The following TOLLIP variants were observed in gnomAD, a reference collection of about 807,000 sequenced individuals.
TOLLIP encodes toll-interacting protein.
Under a neutral mutation model 33.5 loss-of-function variants are expected in TOLLIP, and 16 were observed. That is an observed-to-expected ratio of 0.48 (90% confidence interval 0.32 to 0.72). The LOEUF (loss-of-function observed/expected upper bound fraction) is 0.72. Ranked by LOEUF, TOLLIP falls within the 30% of genes least tolerant of loss-of-function variation. TOLLIP has a pLI of 0.03. For missense variants in TOLLIP, 325 were observed against 396.6 expected, an observed-to-expected ratio of 0.82 and a Z score of 1.53; for synonymous variants, 176 against 163.7, an observed-to-expected ratio of 1.07 and a Z score of -0.57.
chr11:1,307,234 C>T (rs1864443678), intron 1 of TOLLIP, among the ~76,000 whole-genome samples: 1 of 152,222 alleles, frequency 6.6e-6, no homozygotes, highest in Non-Finnish European at 1.5e-5. Context: ...CCGAGCCAGA[C>T]CTCATGTTAC....
In TOLLIP at chr11:1,276,777, A is replaced by G. The variant is rs1213187875; in HGVS notation, c.*262T>C. 2 of 1,509,908 alleles carry G rather than the reference A, an allele frequency of 1.3e-6. No homozygotes were observed. Among genetic ancestry groups the G allele is most frequent in the Non-Finnish European group, 1.8e-6 (2 of 1,130,340 alleles). The allele number at this position is 1,509,908 out of a possible 1,614,324, so 93.5% of individuals were successfully genotyped here. On this transcript the variant is annotated 3_prime_UTR_variant, in exon 6 of 6. Coordinates refer to ENST00000317204, the MANE Select transcript of TOLLIP (RefSeq NM_019009.4). Reference sequence around the variant, plus strand: ...TTTTCCAGAACGGCATGAGAAGGAGAGACGCACGTCCCAGGGACAGGAGAG... The same window carrying G: ...TTTTCCAGAACGGCATGAGAAGGAGGGACGCACGTCCCAGGGACAGGAGAG...
At chr11:1,280,828 G>A (rs1863474497) in intron 5 of TOLLIP, among the ~76,000 whole-genome samples, 1 of 152,198 alleles carries the variant, frequency 6.6e-6, no homozygotes, top group Non-Finnish European at 1.5e-5. Flanking sequence ...GGGACCCTCA[G>A]GGCAGACCCC....
In TOLLIP at chr11:1,278,287, G is replaced by A. The variant is rs1255641625; in HGVS notation, c.611-1034C>T. 3.3e-5 allele frequency among the ~76,000 whole-genome samples: 5 copies of A among 152,136 alleles called. No individual in the cohort carries two copies. On this transcript the variant is annotated intron_variant, in intron 5 of 5. Transcript: ENST00000317204. The surrounding 1 kb of genome is among the most constrained non-coding windows in gnomAD (Gnocchi z 4.7). Reference sequence around the variant, plus strand: ...CTCCTGCAGCAGCAGCTGCAGCAGTGCAAGGGTTCACTGCTCACCCGTTCA... The same window carrying A: ...CTCCTGCAGCAGCAGCTGCAGCAGTACAAGGGTTCACTGCTCACCCGTTCA...
At position 1,286,079 on chromosome 11, in the gene TOLLIP, G is replaced by A; in HGVS notation, c.533C>T (p.Ala178Val). ...LVMSYALLPA[A>V]MVMPPQPVVL... ...CACGGGCTGGGGTGGCATCACCATG[G>A]CAGCTGGAAGCAGCTGAAACACAGC... The change falls in exon 5 of 6, where the codon GCC (alanine) becomes GTC (valine). Residue 178 changes from alanine (A) to valine (V), a missense_variant. Transcript: ENST00000317204. 1 of 1,595,398 alleles carries A rather than the reference G, an allele frequency of 6.3e-7. No individual in the cohort carries two copies. The highest frequency in any genetic ancestry group is 8.5e-7 in the Non-Finnish European group (1 of 1,172,280).
At chr11:1,295,470 A>C in intron 2 of TOLLIP, 175 bp downstream of exon 2, 1 of 792,828 alleles carries the variant, frequency 1.3e-6, no homozygotes, top group African/African-American at 1.7e-5. Context: ...ACCCGGGGTC[A>C]ATGCCAATAT....
Position 1,280,725 on chromosome 11 carries a change from G to A in TOLLIP, c.611-3472C>T, listed in dbSNP as rs141188303. The stretch of plus-strand genomic sequence containing the variant: ...CTCCTCCCACCACCAAGCAGAAGGA[G>A]GTGGAAAGCAACAGGAGGAGGGAAA... On this transcript the variant is annotated intron_variant, in intron 5 of 5. Coordinates refer to ENST00000317204, the MANE Select transcript of TOLLIP (RefSeq NM_019009.4). Among the ~76,000 whole-genome samples, 334 of 152,176 alleles carry A rather than the reference G, an allele frequency of 2.2e-3. 4 individuals are homozygous for A. The highest frequency in any genetic ancestry group is 7.6e-3 in the African/African-American group (317 of 41,528).
intron 5 of TOLLIP, among the ~76,000 whole-genome samples, chr11:1,283,802 C>T (rs1461757046): frequency 1.3e-5 from 2 of 152,218 alleles, no homozygotes; most frequent in Non-Finnish European, 2.9e-5. Context: ...CCCAAAAAGA[C>T]AGCCACAGAG....
At chr11:1,289,628 C>G (rs1252045599) in intron 3 of TOLLIP, among the ~76,000 whole-genome samples, 1 of 151,844 alleles carries the variant, frequency 6.6e-6, no homozygotes, top group Admixed American at 6.6e-5. Flanking sequence ...CACATGCACG[C>G]TCTGTCCCTG....
intron 5 of TOLLIP, among the ~76,000 whole-genome samples, chr11:1,285,245 G>T (rs556124494): frequency 4.6e-5 from 7 of 152,326 alleles, no homozygotes; most frequent in Admixed American, 4.6e-4. Flanking sequence ...CGTGCAGAGG[G>T]ACCAGTGCTC....
At chr11:1,284,311 C>T (rs528919839) in intron 5 of TOLLIP, among the ~76,000 whole-genome samples, 2 of 152,248 alleles carry the variant, frequency 1.3e-5, no homozygotes. Context: ...ATTCTTTCCT[C>T]GGTGACGGGG....
At chr11:1,299,701 C>T (rs1202746170) in intron 1 of TOLLIP, among the ~76,000 whole-genome samples, 2 of 152,210 alleles carry the variant, frequency 1.3e-5, no homozygotes, top group Non-Finnish European at 2.9e-5. Context: ...GAGTTCAACA[C>T]TAACAAGTCT....
chr11:1,289,385 AC>A (rs1163847805), intron 3 of TOLLIP, among the ~76,000 whole-genome samples: 1 of 152,154 alleles, frequency 6.6e-6, no homozygotes. Flanking sequence ...TCACAATGCC[AC>A]AGGTGCGAGG....
intron 5 of TOLLIP, 92 bp downstream of exon 5, chr11:1,285,910 G>T: frequency 1.1e-6 from 1 of 916,770 alleles, no homozygotes; most frequent in Non-Finnish European, 1.7e-6. Flanking sequence ...TCCCCACCCC[G>T]GCGCTCTAAG....
chr11:1,287,448 G>A (rs1590213534), intron 4 of TOLLIP, among the ~76,000 whole-genome samples: 1 of 22,068 alleles, frequency 4.5e-5, no homozygotes, highest in African/African-American at 1.5e-4. Flanking sequence ...CCTCCCCGCC[G>A]CACCCTCCCC....
chr11:1,304,811 A>G (rs1864382543), intron 1 of TOLLIP, among the ~76,000 whole-genome samples: 1 of 152,258 alleles, frequency 6.6e-6, no homozygotes, highest in Non-Finnish European at 1.5e-5. Flanking sequence ...AAAAAATAAG[A>G]AAATGTAGGA....
At chr11:1,298,553 G>A (rs947670696) in intron 1 of TOLLIP, 3 of 152,356 alleles carry the variant, frequency 2.0e-5, no homozygotes, top group Admixed American at 6.5e-5. Flanking sequence ...AAGACAGTGG[G>A]ACTGCTCATT....
At chr11:1,289,634 C>T (rs867190302) in intron 3 of TOLLIP, among the ~76,000 whole-genome samples, 3 of 151,672 alleles carry the variant, frequency 2.0e-5, no homozygotes, top group Admixed American at 1.3e-4. Flanking sequence ...CACGCTCTGT[C>T]CCTGGAAATC....
In TOLLIP at chr11:1,290,203, T is replaced by A. The variant is rs2133904701; in HGVS notation, c.366+24A>T. 4 of 1,607,922 alleles carry A rather than the reference T, an allele frequency of 2.5e-6. No individual in the cohort carries two copies. In the East Asian group the frequency reaches 8.9e-5, roughly 36 times the overall value. ...CACGCTCAGCCACGTGCAGCCTCCATAATAGCTGGCACGTCCCTCTCACCT... is the reference window on the plus strand; with the variant it reads ...CACGCTCAGCCACGTGCAGCCTCCAAAATAGCTGGCACGTCCCTCTCACCT... On this transcript the variant is annotated intron_variant, in intron 3 of 5. Coordinates refer to ENST00000317204, the MANE Select transcript of TOLLIP (RefSeq NM_019009.4). This position sits in a 1 kb window ranked among gnomAD's most constrained non-coding sequence, Gnocchi z 4.9.
rs1049989761 is a variant in TOLLIP at position 1,302,892 on chromosome 11, C to T, written c.33+6574G>A. 2.9e-5 allele frequency: 18 copies of T among 619,954 alleles called. No homozygotes were observed. In the African/African-American group the frequency reaches 3.2e-4, roughly 11 times the overall value. The allele number at this position is 619,954 out of a possible 1,614,324, so 38.4% of individuals were successfully genotyped here. A position where few individuals can be genotyped will look rare whatever the true frequency, so the allele number is the denominator to read the frequency against. On this transcript the variant is annotated intron_variant, in intron 1 of 5. Transcript: ENST00000317204. ...CCTCGCTGAGCACTCATTCGCCGTG[C>T]CTTGTCTCCCCTTCCGGGGCCTTCC...
Sources: gnomAD v4.1 joint callset for allele counts (sites outside exome capture counted in the v4.1 genomes callset) on GRCh38, gnomAD v4.1.1 for gene constraint, Gnocchi (gnomAD v3.1) non-coding constraint, MANE v1.5 for transcripts, NCBI Gene and HGNC (gene_info 2026-07-23, HGNC 2026-07-21) for gene names.